The following ROBO2 variants were observed in gnomAD, a reference collection of about 807,000 sequenced individuals.
ROBO2 encodes the protein roundabout guidance receptor 2.
Under a neutral mutation model 160.8 loss-of-function variants are expected in ROBO2, and 53 were observed. That is an observed-to-expected ratio of 0.33 (90% CI 0.26 to 0.41). ROBO2 has a LOEUF of 0.41. ROBO2 is among the 10% of genes least tolerant of loss of function. The probability of loss-of-function intolerance (pLI) is 1.00; values close to 1 mark genes in which losing one functional copy is unlikely to be tolerated. For missense variants in ROBO2, 1,577 were observed against 1,722.4 expected, an observed-to-expected ratio of 0.92 and a Z score of 1.49; for synonymous variants, 664 against 611.7, an observed-to-expected ratio of 1.09 and a Z score of -1.26.
intron 2 of ROBO2, among the ~76,000 whole-genome samples, chr3:77,362,160 C>T (rs898585162): frequency 2.0e-5 from 3 of 152,030 alleles, no homozygotes; most frequent in African/African-American, 7.2e-5. Context: ...TTAAAGAAAA[C>T]AATCAGTCAA....
intron 22 of ROBO2, among the ~76,000 whole-genome samples, chr3:77,621,707 T>C (rs182041199): frequency 1.2e-4 from 18 of 152,164 alleles, no homozygotes; most frequent in Admixed American, 1.1e-3. Flanking sequence ...CTTCCAGCCT[T>C]GATGTGAGAG....
At chr3:76,233,995 C>A (rs1480898087) in intron 2 of ROBO2, among the ~76,000 whole-genome samples, 3 of 152,138 alleles carry the variant, frequency 2.0e-5, no homozygotes, top group Non-Finnish European at 4.4e-5. Flanking sequence ...CAAGTAGACC[C>A]CAATATCTGT....
intron 2 of ROBO2, among the ~76,000 whole-genome samples, chr3:76,865,483 A>C (rs1454804498): frequency 6.6e-6 from 1 of 152,068 alleles, no homozygotes; most frequent in African/African-American, 2.4e-5. Context: ...CCACACTTTG[A>C]GTAGTACTGC....
chr3:77,477,296 T>C (rs924300276), intron 2 of ROBO2, 118 bp from the exon 3 acceptor site: 1 of 1,030,492 alleles, frequency 9.7e-7, no homozygotes. Context: ...ATGTTCTCAG[T>C]AAAAATCCAG....
intron 23 of ROBO2, chr3:77,632,841 T>C (rs1583413425): frequency 4.6e-6 from 2 of 438,308 alleles, no homozygotes; most frequent in East Asian, 6.6e-5. Flanking sequence ...GAGCCAAGAA[T>C]AGACTCCTCC....
intron 2 of ROBO2, among the ~76,000 whole-genome samples, chr3:76,226,110 T>TA (rs1197304127): frequency 6.6e-6 from 1 of 152,128 alleles, no homozygotes; most frequent in Non-Finnish European, 1.5e-5. Flanking sequence ...TGAGATTCCT[T>TA]AAAAAATAAA....
chr3:76,173,816 A>G (rs2073128856), intron 2 of ROBO2, among the ~76,000 whole-genome samples: 1 of 152,134 alleles, frequency 6.6e-6, no homozygotes, highest in African/African-American at 2.4e-5. Context: ...TAGTGTTGCA[A>G]TAAACATATA....
At chr3:75,958,967 C>T (rs545931529) in intron 2 of ROBO2, among the ~76,000 whole-genome samples, 12 of 151,854 alleles carry the variant, frequency 7.9e-5, no homozygotes, top group East Asian at 2.0e-4. Context: ...TGTAATTTGA[C>T]GGCTGTCAAG....
chr3:76,394,526 C>T lies in ROBO2; in HGVS notation c.109+456924C>T, dbSNP rs867306197. 3.9e-5 allele frequency among the ~76,000 whole-genome samples: 6 copies of T among 152,048 alleles called. No homozygotes were observed. In the South Asian group the frequency reaches 6.2e-4, roughly 16 times the overall value. On this transcript the variant is annotated intron_variant, in intron 2 of 26. Coordinates refer to the ROBO2 transcript ENST00000487694. ...TGATGGGCATCCCTTTGTGGGTAAG[C>T]GACCTTTCTCTCTGACTGCCCTTAA...
intron 2 of ROBO2, among the ~76,000 whole-genome samples, chr3:76,356,957 T>A: frequency 6.6e-6 from 1 of 151,906 alleles, no homozygotes; most frequent in East Asian, 1.9e-4. Flanking sequence ...CTTGTTATAT[T>A]TTTATTTTTA....
chr3:75,943,352 A>G (rs1310880306), intron 2 of ROBO2, among the ~76,000 whole-genome samples: 1 of 152,146 alleles, frequency 6.6e-6, no homozygotes, highest in Non-Finnish European at 1.5e-5. Context: ...CATCCTCTGA[A>G]GCTGAATTTA....
At chr3:76,305,304 T>C (rs951472792) in intron 2 of ROBO2, among the ~76,000 whole-genome samples, 2 of 135,974 alleles carry the variant, frequency 1.5e-5, no homozygotes, top group Non-Finnish European at 3.0e-5. Flanking sequence ...GGCAGGAAGA[T>C]TGCTTGAGCC....
chr3:77,136,243 T>C (rs2076267437), intron 2 of ROBO2, among the ~76,000 whole-genome samples: 1 of 152,170 alleles, frequency 6.6e-6, no homozygotes, highest in Admixed American at 6.5e-5. Flanking sequence ...GAAAGTAGAC[T>C]TCAGAGTTCT....
At chr3:76,537,315 T>C (rs761032415) in intron 2 of ROBO2, among the ~76,000 whole-genome samples, 16 of 152,094 alleles carry the variant, frequency 1.1e-4, no homozygotes, top group Non-Finnish European at 2.1e-4. Flanking sequence ...TCTTGTAGGA[T>C]GGAGAAATCA....
chr3:76,907,517 C>T (rs2075683998), intron 2 of ROBO2, among the ~76,000 whole-genome samples: 2 of 152,082 alleles, frequency 1.3e-5, no homozygotes, highest in Admixed American at 1.3e-4. Flanking sequence ...TTCTTGTATC[C>T]AACAGCAGAT....
chr3:77,180,435 T>TATATATATATATATG (rs1491200828), intron 2 of ROBO2, among the ~76,000 whole-genome samples: 10 of 63,912 alleles, frequency 1.6e-4, no homozygotes, highest in Non-Finnish European at 2.8e-4. Flanking sequence ...TATATATGTA[T>TATATATATATATATG]TTTTTTTTTT....
intron 2 of ROBO2, among the ~76,000 whole-genome samples, chr3:77,140,179 G>A (rs886982350): frequency 6.6e-6 from 1 of 152,174 alleles, no homozygotes; most frequent in Non-Finnish European, 1.5e-5. Flanking sequence ...ACCTCGTAGT[G>A]CCTTAGACGG....
intron 2 of ROBO2, among the ~76,000 whole-genome samples, chr3:77,381,370 A>C (rs945164295): frequency 6.6e-6 from 1 of 152,078 alleles, no homozygotes; most frequent in African/African-American, 2.4e-5. Context: ...TTTCCATAGA[A>C]TCTATAGAAG....
At chr3:77,258,605 A>G (rs1200528742) in intron 2 of ROBO2, among the ~76,000 whole-genome samples, 1 of 143,780 alleles carries the variant, frequency 7.0e-6, no homozygotes, top group African/African-American at 2.6e-5. Context: ...CCTGGGTGAC[A>G]GACGGAGACT....
Sources: gnomAD v4.1 joint callset for allele counts (sites outside exome capture counted in the v4.1 genomes callset) on GRCh38, gnomAD v4.1.1 for gene constraint, MANE v1.5 for transcripts, NCBI Gene and HGNC (gene_info 2026-07-23, HGNC 2026-07-21) for gene names.